The following YTHDF2 variants were observed in gnomAD, a reference collection of about 807,000 sequenced individuals.
YTHDF2 encodes the protein YTH N6-methyladenosine RNA binding protein F2.
YTHDF2 carries 2 observed loss-of-function variants against 50.4 expected under a neutral mutation model. That is an observed-to-expected ratio of 0.04 (90% CI 0.02 to 0.12). The LOEUF (loss-of-function observed/expected upper bound fraction) is 0.12, where lower values mean the gene tolerates loss of function less well. Ranked by LOEUF, YTHDF2 falls within the 10% of genes least tolerant of loss-of-function variation. The pLI, the probability that YTHDF2 is intolerant of heterozygous loss-of-function variation, is 1.00. For missense variants in YTHDF2, 483 were observed against 722.6 expected, an observed-to-expected ratio of 0.67 and a Z score of 3.80; for synonymous variants, 217 against 255.6, an observed-to-expected ratio of 0.85 and a Z score of 1.44.
At position 28,743,011 on chromosome 1, in the gene YTHDF2, A is replaced by C. The variant is rs2087803288; in HGVS notation, c.741A>C (p.Ala247=). 1 of 1,614,084 alleles carries C rather than the reference A, an allele frequency of 6.2e-7. No individual in the cohort carries two copies. The highest frequency in any genetic ancestry group is 1.7e-5 in the Admixed American group (1 of 60,006). ...ASWADIASKP[A]KQQPKLKTKN... ...GGGCTGATATTGCTAGCAAGCCTGC[A>C]AAACAGCAACCTAAACTGAAGACCA... is the stretch of plus-strand genomic sequence containing the variant. Residue 247 remains alanine, a synonymous_variant, in exon 4 of 5, where the codon GCA becomes GCC. Transcript: ENST00000373812. The surrounding 1 kb of genome is among the most constrained non-coding windows in gnomAD (Gnocchi z 6.9).
chr1:28,754,440 G>A (rs1290681621), intron 4 of YTHDF2, among the ~76,000 whole-genome samples: 2 of 152,170 alleles, frequency 1.3e-5, no homozygotes, highest in Non-Finnish European at 2.9e-5. Context: ...TGAGGCAGGA[G>A]AATGGTGTGA....
At chr1:28,764,442 T>G (rs2088187096) in intron 4 of YTHDF2, among the ~76,000 whole-genome samples, 1 of 151,650 alleles carries the variant, frequency 6.6e-6, no homozygotes, top group Admixed American at 6.6e-5. Flanking sequence ...GGCTAATTTT[T>G]TTTTTGTTTT....
At chr1:28,748,778 A>G (rs1300053698) in intron 4 of YTHDF2, among the ~76,000 whole-genome samples, 1 of 152,056 alleles carries the variant, frequency 6.6e-6, no homozygotes, top group Non-Finnish European at 1.5e-5. Context: ...TTTATTTAGA[A>G]CTTTTCCCCA....
At chr1:28,767,562 G>T (rs2088236855) in intron 4 of YTHDF2, among the ~76,000 whole-genome samples, 1 of 151,988 alleles carries the variant, frequency 6.6e-6, no homozygotes, top group African/African-American at 2.4e-5. Context: ...AGGCTGGAGT[G>T]CAGTGGCACG....
intron 3 of YTHDF2, 50 bp from the exon 4 acceptor site, chr1:28,742,353 C>A (rs1372295600): frequency 6.6e-7 from 1 of 1,520,064 alleles, no homozygotes; most frequent in Non-Finnish European, 8.8e-7. Context: ...GAGGAAATAG[C>A]CTGATGTTAA....
rs776179557 is a variant in YTHDF2 at position 28,737,083 on chromosome 1, A to T, written c.-38A>T. On this transcript the variant is annotated 5_prime_UTR_variant, in exon 1 of 5. Coordinates refer to ENST00000373812, the MANE Select transcript of YTHDF2 (RefSeq NM_016258.3). ...CTGCCGCCGCCGCCGCGCTGAGGAG[A>T]GTTCGCCGCCGTCGCCGCCCGTGAG... 1 of 1,581,328 alleles carries T rather than the reference A, an allele frequency of 6.3e-7. No individual in the cohort carries two copies. The highest frequency in any genetic ancestry group is 1.4e-5 in the African/African-American group (1 of 73,316).
intron 4 of YTHDF2, among the ~76,000 whole-genome samples, chr1:28,768,472 A>AT (rs2088253986): frequency 6.6e-6 from 1 of 151,912 alleles, no homozygotes; most frequent in South Asian, 2.1e-4. Flanking sequence ...TGAGATACTT[A>AT]CCTTCACTTT....
At chr1:28,742,047 C>CATTTT (rs2087784256) in intron 3 of YTHDF2, among the ~76,000 whole-genome samples, 1 of 143,394 alleles carries the variant, frequency 7.0e-6, no homozygotes, top group Non-Finnish European at 1.5e-5. Flanking sequence ...GTGCTGCACA[C>CATTTT]TTTTTTTTTT....
intron 4 of YTHDF2, among the ~76,000 whole-genome samples, chr1:28,755,068 C>A (rs2088017072): frequency 6.6e-6 from 1 of 151,086 alleles, no homozygotes; most frequent in Admixed American, 6.6e-5. Flanking sequence ...TGAACCAGGA[C>A]AGTGGGAACG....
In YTHDF2 at chr1:28,767,931, G is replaced by A. The variant is rs138693625; in HGVS notation, c.1717-998G>A. Among the ~76,000 whole-genome samples the A allele has an allele frequency of 5.2e-4, 79 of 150,780 alleles. No homozygotes were observed. In the Middle Eastern group the frequency reaches 0.01, roughly 19 times the overall value. On this transcript the variant is annotated intron_variant, in intron 4 of 4. Coordinates refer to ENST00000373812, the MANE Select transcript of YTHDF2 (RefSeq NM_016258.3). ...TTTAAAAAATTCTGAGGCCGGGCGC[G>A]GTGGCTCACGCCTCTAATCCCAGCA...
upstream of YTHDF2, chr1:28,736,864 T>C (rs2087695189): frequency 2.8e-6 from 1 of 359,822 alleles, no homozygotes; most frequent in Admixed American, 5.1e-5. Flanking sequence ...GCCTCCGCTG[T>C]TCGGCGCTCT....
At position 28,743,315 on chromosome 1, in the gene YTHDF2, A is replaced by G; in HGVS notation, c.1045A>G (p.Thr349Ala). The G allele has an allele frequency of 1.9e-6, 3 of 1,614,082 alleles. No individual in the cohort carries two copies. The highest frequency in any genetic ancestry group is 2.5e-6 in the Non-Finnish European group (3 of 1,180,018). The change falls in exon 4 of 5, where the codon ACC (threonine) becomes GCC (alanine). Residue 349 changes from threonine to alanine, a missense_variant. Physicochemically the swap from Thr to Ala is moderately conservative, Grantham distance 58 (BLOSUM62 0). Coordinates refer to ENST00000373812, the MANE Select transcript of YTHDF2 (RefSeq NM_016258.3). The surrounding 1 kb of genome is among the most constrained non-coding windows in gnomAD (Gnocchi z 6.9). ...AGTCCAGCAACAGGCAGCTCAGCCA[A>G]CCCGCTGGGTAGCACCTCGGAACCG... Reference protein sequence around the residue: ...LSVQQQAAQPTRWVAPRNRGS... With the variant: ...LSVQQQAAQPARWVAPRNRGS...
intron 2 of YTHDF2, 71 bp from the exon 3 acceptor site, chr1:28,738,188 G>A (rs902455943): frequency 2.5e-5 from 31 of 1,238,396 alleles, no homozygotes; most frequent in African/African-American, 7.4e-5. Flanking sequence ...TCTCTGGTTA[G>A]CATATATGAA....
rs528192078 is a variant in YTHDF2, at chr1:28,737,991, CAT to C, written c.53-267_53-266del. Among the ~76,000 whole-genome samples the C allele has an allele frequency of 2.6e-4, 40 of 152,026 alleles. No homozygotes were observed. The East Asian group carries it at 2.9e-3, about 11-fold the overall frequency. ...GTGGATCACTCTCTGGAAGTACTCT[CAT>C]GTGATGGGGGAGGGGAAGCGGGAGG... On this transcript the variant is annotated intron_variant, in intron 2 of 4. Coordinates refer to ENST00000373812, the MANE Select transcript of YTHDF2 (RefSeq NM_016258.3).
At chr1:28,738,035 G>A (rs1232491559) in intron 2 of YTHDF2, among the ~76,000 whole-genome samples, 1 of 152,090 alleles carries the variant, frequency 6.6e-6, no homozygotes, top group Non-Finnish European at 1.5e-5. Context: ...AAATCCAGAG[G>A]AGCCAATAAA....
chr1:28,740,997 C>T (rs751628227), intron 3 of YTHDF2, among the ~76,000 whole-genome samples: 13 of 150,666 alleles, frequency 8.6e-5, no homozygotes, highest in Non-Finnish European at 1.3e-4. Context: ...AGCCACCGCG[C>T]CCGGCTATTT....
At chr1:28,761,083 G>GA (rs1265917015) in intron 4 of YTHDF2, among the ~76,000 whole-genome samples, 2 of 147,198 alleles carry the variant, frequency 1.4e-5, no homozygotes, top group African/African-American at 5.1e-5. Context: ...GTCATTGACT[G>GA]AAATGTCATT....
intron 4 of YTHDF2, among the ~76,000 whole-genome samples, chr1:28,766,730 T>C (rs1452913045): frequency 6.6e-6 from 1 of 152,120 alleles, no homozygotes; most frequent in Non-Finnish European, 1.5e-5. Flanking sequence ...ACCATTAATA[T>C]TACGTAATGC....
chr1:28,754,196 T>C (rs1216678770), intron 4 of YTHDF2, among the ~76,000 whole-genome samples: 1 of 152,164 alleles, frequency 6.6e-6, no homozygotes, highest in Non-Finnish European at 1.5e-5. Flanking sequence ...CCTGTATTTA[T>C]AGATCAACAA....
Sources: allele counts gnomAD v4.1 joint callset (sites outside exome capture counted in the v4.1 genomes callset), GRCh38; gene constraint gnomAD v4.1.1; non-coding constraint Gnocchi (gnomAD v3.1); transcripts MANE v1.5; gene names NCBI Gene and HGNC (gene_info 2026-07-23, HGNC 2026-07-21).